Variants in L3MBTL4 observed in about 807,000 individuals in gnomAD.
L3MBTL4 encodes the protein lethal(3)malignant brain tumor-like protein 4.
L3MBTL4 carries 70 observed loss-of-function variants against 84.5 expected under a neutral mutation model. The ratio of observed to expected loss-of-function variants is 0.83; its 90% CI spans 0.68 to 1.01. The LOEUF (loss-of-function observed/expected upper bound fraction) is 1.01. L3MBTL4 is among the 50% of genes least tolerant of loss of function. The pLI, the probability that L3MBTL4 is intolerant of heterozygous loss-of-function variation, is 0.00. For missense variants in L3MBTL4, 715 were observed against 754.8 expected (o/e 0.95, Z 0.62); for synonymous variants, 274 against 259.8 (o/e 1.05, Z -0.52).
chr18:6,249,546 C>T (rs1014742106), intron 5 of L3MBTL4, among the ~76,000 whole-genome samples: 1 of 152,136 alleles, frequency 6.6e-6, no homozygotes. Flanking sequence ...CTAAAACAGA[C>T]TCAGCATTTC....
At chr18:6,141,290 G>T (rs2144680777) in intron 13 of L3MBTL4, among the ~76,000 whole-genome samples, 1 of 152,066 alleles carries the variant, frequency 6.6e-6, no homozygotes, top group African/African-American at 2.4e-5. Flanking sequence ...TCCTCCTCTA[G>T]TCAACCTGAA....
intron 10 of L3MBTL4, among the ~76,000 whole-genome samples, chr18:6,232,435 T>G (rs1436824112): frequency 6.6e-6 from 1 of 152,120 alleles, no homozygotes; most frequent in Non-Finnish European, 1.5e-5. Context: ...ATCTTCTGTT[T>G]TTTGGAAAAG....
At chr18:6,174,673 T>C (rs1243550765) in intron 12 of L3MBTL4, among the ~76,000 whole-genome samples, 6 of 151,862 alleles carry the variant, frequency 4.0e-5, no homozygotes, top group Admixed American at 1.3e-4. Context: ...GGGTTAAGAC[T>C]AGCCTGGCCA....
chr18:6,075,095 T>C (rs1195837585), intron 16 of L3MBTL4, among the ~76,000 whole-genome samples: 1 of 152,094 alleles, frequency 6.6e-6, no homozygotes, highest in Non-Finnish European at 1.5e-5. Context: ...AATTGGAAGA[T>C]GCCAATTCAC....
intron 12 of L3MBTL4, among the ~76,000 whole-genome samples, chr18:6,198,780 T>C (rs996898151): frequency 6.6e-6 from 1 of 152,204 alleles, no homozygotes; most frequent in Non-Finnish European, 1.5e-5. Flanking sequence ...TTGACAGTGA[T>C]AGGCTGGTCA....
At chr18:6,359,867 C>G (rs2053605502) in intron 1 of L3MBTL4, among the ~76,000 whole-genome samples, 1 of 151,962 alleles carries the variant, frequency 6.6e-6, no homozygotes, top group Non-Finnish European at 1.5e-5. Flanking sequence ...CAGAAGGCAG[C>G]AGACACAGTG....
intron 13 of L3MBTL4, among the ~76,000 whole-genome samples, chr18:6,165,303 A>G (rs956250258): frequency 2.0e-5 from 3 of 152,214 alleles, no homozygotes; most frequent in African/African-American, 7.2e-5. Context: ...AAGGCAGGCC[A>G]ACATTCAAAT....
At chr18:6,265,125 A>T (rs1192070939) in intron 4 of L3MBTL4, among the ~76,000 whole-genome samples, 1 of 152,254 alleles carries the variant, frequency 6.6e-6, no homozygotes, top group African/African-American at 2.4e-5. Flanking sequence ...AGATTAAATG[A>T]TCATTTTTGG....
Position 6,170,691 on chromosome 18 carries a change from G to A in L3MBTL4, c.1096+1137C>T, listed in dbSNP as rs73381993. On this transcript the variant is annotated intron_variant, in intron 13 of 18. Coordinates refer to ENST00000317931, the MANE Select transcript of L3MBTL4 (RefSeq NM_001330559.2). ...ACGCCTACCCCAGCGGAAATCGTTCGTACTTGAGAAAGTTACTGGCTGAGG... is the reference window on the plus strand; with the variant it reads ...ACGCCTACCCCAGCGGAAATCGTTCATACTTGAGAAAGTTACTGGCTGAGG... Among the ~76,000 whole-genome samples, 342 of 152,146 alleles carry A rather than the reference G, an allele frequency of 2.2e-3. 1 individual carries two copies. Among genetic ancestry groups the A allele is most frequent in the African/African-American group, 7.8e-3 (323 of 41,496 alleles).
At chr18:6,180,871 G>T (rs2044437867) in intron 12 of L3MBTL4, among the ~76,000 whole-genome samples, 1 of 152,144 alleles carries the variant, frequency 6.6e-6, no homozygotes, top group African/African-American at 2.4e-5. Flanking sequence ...CCAAAAAGTG[G>T]TAACAATCCA....
At chr18:6,248,711 T>C (rs1267276838) in intron 5 of L3MBTL4, among the ~76,000 whole-genome samples, 3 of 152,196 alleles carry the variant, frequency 2.0e-5, no homozygotes, top group African/African-American at 7.2e-5. Context: ...CTTTTGCACG[T>C]GGCTTTTTGC....
intron 1 of L3MBTL4, among the ~76,000 whole-genome samples, chr18:6,368,192 C>T (rs1013040733): frequency 1.3e-5 from 2 of 152,084 alleles, no homozygotes; most frequent in Non-Finnish European, 2.9e-5. Context: ...CACCGGCATC[C>T]ACCAAGACCT....
At chr18:6,333,724 A>G (rs1421130350) in intron 1 of L3MBTL4, among the ~76,000 whole-genome samples, 2 of 135,348 alleles carry the variant, frequency 1.5e-5, no homozygotes, top group Non-Finnish European at 3.1e-5. Context: ...CAAATCAGCA[A>G]ATCAATGGAA....
chr18:6,005,598 T>C (rs554658032), intron 16 of L3MBTL4, among the ~76,000 whole-genome samples: 26 of 152,352 alleles, frequency 1.7e-4, no homozygotes, highest in African/African-American at 5.8e-4. Flanking sequence ...TATTTGGTTT[T>C]CTGTTCCTGT....
intron 1 of L3MBTL4, among the ~76,000 whole-genome samples, chr18:6,383,841 A>G (rs1301429611): frequency 1.3e-5 from 2 of 152,152 alleles, no homozygotes; most frequent in African/African-American, 4.8e-5. Context: ...CATGAATGTT[A>G]TTTCATACAC....
chr18:6,158,439 A>ATG (rs1352595216), intron 13 of L3MBTL4, among the ~76,000 whole-genome samples: 2 of 152,178 alleles, frequency 1.3e-5, no homozygotes, highest in Non-Finnish European at 2.9e-5. Flanking sequence ...GCATATATAT[A>ATG]CAAAGGCCTT....
chr18:6,308,404 T>A (rs2050687487), intron 3 of L3MBTL4, among the ~76,000 whole-genome samples: 2 of 152,174 alleles, frequency 1.3e-5, no homozygotes, highest in African/African-American at 4.8e-5. Flanking sequence ...TACGAGCATA[T>A]CCTTTGGTAC....
intron 16 of L3MBTL4, among the ~76,000 whole-genome samples, chr18:5,995,389 T>C (rs908182857): frequency 6.6e-6 from 1 of 152,232 alleles, no homozygotes; most frequent in African/African-American, 2.4e-5. Context: ...TTTTTTTTCT[T>C]ATTCAACATA....
chr18:6,359,579 G>A (rs2053592209), intron 1 of L3MBTL4, among the ~76,000 whole-genome samples: 1 of 151,256 alleles, frequency 6.6e-6, no homozygotes, highest in African/African-American at 2.4e-5. Flanking sequence ...GTGAAACTAT[G>A]ACATATCTAA....
Sources: allele counts gnomAD v4.1 joint callset (sites outside exome capture counted in the v4.1 genomes callset), GRCh38; gene constraint gnomAD v4.1.1; transcripts MANE v1.5; gene names NCBI Gene and HGNC (gene_info 2026-07-23, HGNC 2026-07-21).